NELL1: variants seen among roughly 807,000 people sequenced by gnomAD.
The protein encoded by NELL1 is neural EGFL like 1.
Under a neutral mutation model 107.4 loss-of-function variants are expected in NELL1, and 76 were observed. The ratio of observed to expected loss-of-function variants is 0.71; its 90% CI spans 0.59 to 0.86. The LOEUF is 0.86. NELL1 is among the 40% of genes least tolerant of loss of function. The pLI is 0.00. For missense variants in NELL1, 1,024 were observed against 1,005.5 expected, an observed-to-expected ratio of 1.02 and a Z score of -0.25; for synonymous variants, 353 against 341.2, an observed-to-expected ratio of 1.03 and a Z score of -0.38.
chr11:21,442,870 G>C (rs1418944490), intron 15 of NELL1, among the ~76,000 whole-genome samples: 1 of 149,682 alleles, frequency 6.7e-6, no homozygotes, highest in Non-Finnish European at 1.5e-5. Context: ...TTAACAATTT[G>C]AGACCCTGAG....
At chr11:21,539,962 A>G (rs1442315446) in intron 16 of NELL1, among the ~76,000 whole-genome samples, 1 of 151,988 alleles carries the variant, frequency 6.6e-6, no homozygotes, top group Non-Finnish European at 1.5e-5. Context: ...GTGACGGGAC[A>G]TCACACATCC....
At chr11:20,730,967 A>C (rs1297344667) in intron 2 of NELL1, among the ~76,000 whole-genome samples, 4 of 152,188 alleles carry the variant, frequency 2.6e-5, no homozygotes, top group Non-Finnish European at 5.9e-5. Flanking sequence ...GGGGAAGGAT[A>C]CATAGATCTC....
At position 21,006,751 on chromosome 11, in the gene NELL1, G is replaced by A. The variant is rs139019093; in HGVS notation, c.1300+46191G>A. Among the ~76,000 whole-genome samples, 510 of 152,198 alleles carry A rather than the reference G, an allele frequency of 3.4e-3. 2 individuals carry two copies. The highest frequency in any genetic ancestry group is 0.01 in the Middle Eastern group (3 of 294). On this transcript the variant is annotated intron_variant, in intron 12 of 19. Coordinates refer to ENST00000357134, the MANE Select transcript of NELL1 (RefSeq NM_006157.5). ...CATCATGTTTATCTGAGAGCTTGGC[G>A]TTGGAGTTTTGACCACTGTGATACA...
chr11:21,258,540 A>G (rs1858826860), intron 14 of NELL1, among the ~76,000 whole-genome samples: 2 of 151,972 alleles, frequency 1.3e-5, no homozygotes, highest in East Asian at 3.9e-4. Context: ...TAGTTTGAAG[A>G]AAGGCAGGCA....
intron 17 of NELL1, among the ~76,000 whole-genome samples, 186 bp downstream of exon 17, chr11:21,560,568 G>A (rs1277190236): frequency 6.6e-6 from 1 of 152,066 alleles, no homozygotes; most frequent in African/African-American, 2.4e-5. Flanking sequence ...AATTGATTGT[G>A]TTCTTAGTGG....
At chr11:21,159,545 A>T (rs187854930) in intron 13 of NELL1, among the ~76,000 whole-genome samples, 3 of 152,170 alleles carry the variant, frequency 2.0e-5, no homozygotes, top group African/African-American at 7.2e-5. Context: ...ACAAATGTCT[A>T]TTGCAGCGGA....
Position 21,187,840 on chromosome 11 carries a change from T to C in NELL1, c.1427-41492T>C, listed in dbSNP as rs188616056. 4.9e-4 allele frequency among the ~76,000 whole-genome samples: 75 copies of C among 152,044 alleles called. 3 individuals carry two copies. The highest frequency in any genetic ancestry group is 1.6e-3 in the African/African-American group (65 of 41,318). Reference sequence around the variant, plus strand: ...CAGATTATAGACTTTTAGAGCAGCATGTAGTTAACAAAAATAAACAAATAA... The same window carrying C: ...CAGATTATAGACTTTTAGAGCAGCACGTAGTTAACAAAAATAAACAAATAA... On this transcript the variant is annotated intron_variant, in intron 13 of 19. Coordinates refer to ENST00000357134, the MANE Select transcript of NELL1 (RefSeq NM_006157.5).
intron 15 of NELL1, among the ~76,000 whole-genome samples, chr11:21,500,615 G>C (rs1198643151): frequency 1.3e-5 from 2 of 152,076 alleles, no homozygotes; most frequent in Admixed American, 6.6e-5. Context: ...AGCACCCAGA[G>C]CTTTATACGT....
chr11:20,844,260 G>A (rs1848667622), intron 3 of NELL1, among the ~76,000 whole-genome samples: 1 of 152,120 alleles, frequency 6.6e-6, no homozygotes, highest in Non-Finnish European at 1.5e-5. Context: ...TGTCCAGGAG[G>A]GGCTCATAGT....
At chr11:20,766,044 T>G (rs1856522288) in intron 2 of NELL1, among the ~76,000 whole-genome samples, 1 of 152,144 alleles carries the variant, frequency 6.6e-6, no homozygotes, top group African/African-American at 2.4e-5. Flanking sequence ...GGCAGTGGCA[T>G]ACGTAATCAG....
At chr11:21,028,677 T>A (rs1156615007) in intron 12 of NELL1, among the ~76,000 whole-genome samples, 1 of 152,176 alleles carries the variant, frequency 6.6e-6, no homozygotes, top group Admixed American at 6.6e-5. Context: ...CTTTCTTCTT[T>A]GATTTATATT....
At chr11:21,176,662 G>T (rs1218069732) in intron 13 of NELL1, among the ~76,000 whole-genome samples, 1 of 151,842 alleles carries the variant, frequency 6.6e-6, no homozygotes, top group Non-Finnish European at 1.5e-5. Flanking sequence ...AAGGAGGTGA[G>T]CCAGGTGTCC....
chr11:20,775,420 C>T (rs748591893), intron 2 of NELL1, among the ~76,000 whole-genome samples: 28 of 152,120 alleles, frequency 1.8e-4, no homozygotes, highest in Non-Finnish European at 3.8e-4. Flanking sequence ...CCATTCTCTA[C>T]CATTGGATAG....
At chr11:20,857,454 C>T (rs1270150138) in intron 4 of NELL1, among the ~76,000 whole-genome samples, 1 of 152,144 alleles carries the variant, frequency 6.6e-6, no homozygotes, top group Admixed American at 6.5e-5. Context: ...GCTCCCAGCT[C>T]GGCTATGTGA....
At chr11:21,111,802 G>C (rs1309905280) in intron 12 of NELL1, among the ~76,000 whole-genome samples, 1 of 152,022 alleles carries the variant, frequency 6.6e-6, no homozygotes, top group Non-Finnish European at 1.5e-5. Flanking sequence ...CCAGAGAGTG[G>C]AAAACTGGTA....
chr11:21,566,486 C>A (rs916478505), intron 17 of NELL1, among the ~76,000 whole-genome samples: 1 of 151,724 alleles, frequency 6.6e-6, no homozygotes, highest in African/African-American at 2.4e-5. Flanking sequence ...CTTTATTTCC[C>A]TGCTTTTTAA....
intron 14 of NELL1, among the ~76,000 whole-genome samples, chr11:21,267,700 CT>C (rs760016718): frequency 7.7e-4 from 117 of 151,962 alleles, no homozygotes; most frequent in Non-Finnish European, 1.3e-3. Flanking sequence ...ATTTTATATA[CT>C]CTTTTGTATT....
chr11:21,274,938 G>C (rs546032910), intron 14 of NELL1, among the ~76,000 whole-genome samples: 1 of 152,284 alleles, frequency 6.6e-6, no homozygotes, highest in East Asian at 1.9e-4. Context: ...ATGCCCACAA[G>C]AGAAAGCAAG....
chr11:20,796,918 A>G (rs1173500672), intron 3 of NELL1, among the ~76,000 whole-genome samples: 2 of 152,230 alleles, frequency 1.3e-5, no homozygotes, highest in Non-Finnish European at 2.9e-5. Context: ...ATATCAGCCA[A>G]GATGAATGGA....
Sources: gnomAD v4.1 joint callset for allele counts (sites outside exome capture counted in the v4.1 genomes callset) on GRCh38, gnomAD v4.1.1 for gene constraint, MANE v1.5 for transcripts, NCBI Gene and HGNC (gene_info 2026-07-23, HGNC 2026-07-21) for gene names.